Variants in GPC5 observed in about 807,000 individuals in gnomAD.
GPC5 encodes glypican 5, also known as glypican-5.
A neutral mutation model predicts 53.9 loss-of-function variants in GPC5; 47 were observed. The observed-to-expected ratio is 0.87, with a 90% CI of 0.69 to 1.11. The LOEUF is 1.11. Among genes scored for constraint, GPC5 ranks in the 50% most tolerant of loss-of-function variants. The pLI is 0.00. For synonymous variants in GPC5, 286 were observed against 263.3 expected (o/e 1.09, Z -0.84); for missense variants, 748 against 713.1 (o/e 1.05, Z -0.56).
At chr13:91,546,677 T>C (rs923500379) in intron 2 of GPC5, among the ~76,000 whole-genome samples, 3 of 152,074 alleles carry the variant, frequency 2.0e-5, no homozygotes, top group Non-Finnish European at 2.9e-5. Context: ...TCTGGAGCAA[T>C]TGGAAAAATG....
chr13:92,755,054 T>A (rs893304928), intron 7 of GPC5, among the ~76,000 whole-genome samples: 2 of 151,902 alleles, frequency 1.3e-5, no homozygotes, highest in East Asian at 3.9e-4. Context: ...CCACACCTAT[T>A]CCAAAACTGA....
At chr13:92,695,343 T>C (rs1285327862) in intron 7 of GPC5, among the ~76,000 whole-genome samples, 2 of 152,236 alleles carry the variant, frequency 1.3e-5, no homozygotes, top group South Asian at 2.1e-4. Context: ...TTTGCAGATA[T>C]TCATTTTGAA....
chr13:92,409,977 T>A (rs199556113), intron 7 of GPC5, among the ~76,000 whole-genome samples: 1 of 152,198 alleles, frequency 6.6e-6, no homozygotes, highest in Admixed American at 6.5e-5. Context: ...TGTATGTGTG[T>A]GTATGCACAC....
intron 7 of GPC5, among the ~76,000 whole-genome samples, chr13:92,569,872 C>G (rs1158849136): frequency 1.3e-5 from 2 of 152,148 alleles, no homozygotes; most frequent in Admixed American, 6.6e-5. Context: ...AGCCTGGCTC[C>G]TTTTAAAATA....
chr13:92,484,804 G>A (rs148586127), intron 7 of GPC5: 25,901 of 151,668 alleles, frequency 0.17, 2,241 homozygotes, highest in Middle Eastern at 0.21. Context: ...GCACGATCTC[G>A]GCTCACTGCA....
chr13:92,753,310 C>T (rs548523661), intron 7 of GPC5, among the ~76,000 whole-genome samples: 1 of 152,244 alleles, frequency 6.6e-6, no homozygotes, highest in East Asian at 1.9e-4. Context: ...AAAGGACATC[C>T]ACACCAAAAA....
chr13:92,260,497 G>T (rs1268089587), intron 7 of GPC5, among the ~76,000 whole-genome samples: 1 of 152,140 alleles, frequency 6.6e-6, no homozygotes, highest in East Asian at 1.9e-4. Flanking sequence ...GCTCCTTGAG[G>T]CAGGCCTTCA....
At chr13:92,369,980 C>T (rs955438271) in intron 7 of GPC5, among the ~76,000 whole-genome samples, 4 of 152,166 alleles carry the variant, frequency 2.6e-5, no homozygotes, top group Non-Finnish European at 5.9e-5. Context: ...TAGGCAGGTT[C>T]ACTTTTAAGA....
intron 7 of GPC5, among the ~76,000 whole-genome samples, chr13:92,197,888 A>G (rs1424026713): frequency 6.6e-6 from 1 of 151,638 alleles, no homozygotes; most frequent in Non-Finnish European, 1.5e-5. Context: ...CCCTACTTCC[A>G]CCTCTACCAC....
At chr13:92,319,890 GA>G (rs2043204805) in intron 7 of GPC5, among the ~76,000 whole-genome samples, 1 of 152,036 alleles carries the variant, frequency 6.6e-6, no homozygotes, top group Non-Finnish European at 1.5e-5. Flanking sequence ...AAGTGCTCTA[GA>G]GCATGAAACA....
At chr13:91,426,663 C>T (rs556943559) in intron 1 of GPC5, among the ~76,000 whole-genome samples, 1 of 152,240 alleles carries the variant, frequency 6.6e-6, no homozygotes, top group African/African-American at 2.4e-5. Context: ...AGGAAGCATC[C>T]ATCATGGGAG....
intron 6 of GPC5, among the ~76,000 whole-genome samples, chr13:91,947,646 G>T (rs564978083): frequency 2.5e-5 from 2 of 79,196 alleles, no homozygotes; most frequent in South Asian, 1.4e-3. Flanking sequence ...TTGAGAGCAC[G>T]ACTGAGGAAA....
chr13:91,566,130 G>T (rs1446961253), intron 2 of GPC5, among the ~76,000 whole-genome samples: 1 of 152,010 alleles, frequency 6.6e-6, no homozygotes, highest in African/African-American at 2.4e-5. Flanking sequence ...ACATGTGTAG[G>T]CTTCAAGTGG....
intron 7 of GPC5, among the ~76,000 whole-genome samples, chr13:92,845,097 T>C (rs1010496406): frequency 5.3e-5 from 8 of 151,856 alleles, no homozygotes; most frequent in Non-Finnish European, 1.2e-4. Context: ...ATGTTATAAC[T>C]CACTCCTGAT....
intron 2 of GPC5, among the ~76,000 whole-genome samples, chr13:91,552,273 T>G (rs1456467198): frequency 6.6e-6 from 1 of 152,024 alleles, no homozygotes; most frequent in African/African-American, 2.4e-5. Context: ...TTTGAAAAGC[T>G]TAGGAGTTTA....
chr13:91,621,449 A>G (rs920665495), intron 2 of GPC5, among the ~76,000 whole-genome samples: 5 of 152,026 alleles, frequency 3.3e-5, no homozygotes, highest in East Asian at 1.9e-4. Flanking sequence ...ACAGGTAGAC[A>G]CATTAGAGCT....
At chr13:92,491,975 T>A (rs1594246998) in intron 7 of GPC5, among the ~76,000 whole-genome samples, 1 of 151,422 alleles carries the variant, frequency 6.6e-6, no homozygotes, top group East Asian at 2.0e-4. Flanking sequence ...AGCTTCACAG[T>A]TTTTTTTATC....
At chr13:92,491,725 A>G (rs1435894688) in intron 7 of GPC5, among the ~76,000 whole-genome samples, 1 of 152,110 alleles carries the variant, frequency 6.6e-6, no homozygotes, top group Non-Finnish European at 1.5e-5. Flanking sequence ...CCTGAATATT[A>G]CTCTAAAAAT....
intron 7 of GPC5, among the ~76,000 whole-genome samples, chr13:92,692,752 C>CTTTTTTTTTTTTTTTTTTTTTTTT (rs1457273874): frequency 3.3e-5 from 2 of 61,292 alleles, no homozygotes; most frequent in African/African-American, 1.3e-4. Context: ...CCAATATCGG[C>CTTTTTTTTTTTTTTTTTTTTTTTT]TATTTTTTTT....
Sources: gnomAD v4.1 joint callset for allele counts (sites outside exome capture counted in the v4.1 genomes callset) on GRCh38, gnomAD v4.1.1 for gene constraint, MANE v1.5 for transcripts, NCBI Gene and HGNC (gene_info 2026-07-23, HGNC 2026-07-21) for gene names.